Variants in PRKN observed in about 807,000 individuals in gnomAD.
PRKN encodes parkin RBR E3 ubiquitin protein ligase.
In PRKN, 56 loss-of-function variants were observed where a neutral mutation model predicts 59.5. The ratio of observed to expected loss-of-function variants is 0.94; its 90% confidence interval spans 0.76 to 1.18. The LOEUF (loss-of-function observed/expected upper bound fraction) is 1.18, where lower values mean the gene tolerates loss of function less well. Ranked by LOEUF, PRKN falls within the 50% of genes most tolerant of loss-of-function variation. The pLI is 0.00. For missense variants in PRKN, 657 were observed against 596.4 expected (o/e 1.10, Z -1.06); for synonymous variants, 250 against 222.1 (o/e 1.13, Z -1.12).
At position 161,353,730 on chromosome 6, in the gene PRKN, C is replaced by T. The variant is rs1784649335; in HGVS notation, c.1286-3519G>A. Among the ~76,000 whole-genome samples the T allele has an allele frequency of 6.6e-6, 1 of 152,210 alleles. No individual in the cohort carries two copies. The highest frequency in any genetic ancestry group is 6.5e-5 in the Admixed American group (1 of 15,290). On this transcript the variant is annotated intron_variant, in intron 11 of 11. Coordinates refer to ENST00000366898, the MANE Select transcript of PRKN (RefSeq NM_004562.3). The surrounding 1 kb of genome is among the most constrained non-coding windows in gnomAD (Gnocchi z 4.8). ...AAAGAGGGAGTCATGGGAATCTCAA[C>T]TTGAAGCCAGTCGATCAGAACTTCC...
intron 2 of PRKN, among the ~76,000 whole-genome samples, chr6:162,293,948 G>A (rs9347613): frequency 5.3e-5 from 8 of 152,108 alleles, no homozygotes; most frequent in Non-Finnish European, 1.0e-4. Context: ...AAAGTGCTGG[G>A]ATTACAGGCA....
intron 7 of PRKN, among the ~76,000 whole-genome samples, chr6:161,605,378 C>G (rs1782240320): frequency 6.6e-6 from 1 of 152,136 alleles, no homozygotes; most frequent in Admixed American, 6.5e-5. Context: ...CATTTACACA[C>G]ATATGTATTT....
chr6:162,270,661 C>G (rs1446430496), intron 2 of PRKN: 1 of 152,154 alleles, frequency 6.6e-6, no homozygotes, highest in South Asian at 2.1e-4. Flanking sequence ...AATGATCAGA[C>G]TAATTTAAAA....
intron 1 of PRKN, among the ~76,000 whole-genome samples, chr6:162,606,108 G>A (rs1290230117): frequency 6.6e-6 from 1 of 152,056 alleles, no homozygotes; most frequent in African/African-American, 2.4e-5. Flanking sequence ...GTTTGAAGAA[G>A]AAGCAAAATA....
chr6:161,531,318 T>C (rs1318690224), intron 9 of PRKN, among the ~76,000 whole-genome samples: 1 of 151,552 alleles, frequency 6.6e-6, no homozygotes, highest in Non-Finnish European at 1.5e-5. Context: ...GAGGCAGAGC[T>C]TGCAGTGAGC....
At chr6:161,732,160 C>T (rs74720878) in intron 7 of PRKN, among the ~76,000 whole-genome samples, 2,686 of 151,598 alleles carry the variant, frequency 0.018, 69 homozygotes, top group African/African-American at 0.062. Flanking sequence ...AATCTCAGCA[C>T]GCTGGAACCT....
intron 3 of PRKN, among the ~76,000 whole-genome samples, chr6:162,245,560 A>G (rs1220118588): frequency 6.6e-6 from 1 of 152,114 alleles, no homozygotes; most frequent in Non-Finnish European, 1.5e-5. Flanking sequence ...TGGAAATTAT[A>G]ATTTAATGGT....
chr6:162,243,009 TA>T (rs77383917), intron 3 of PRKN, among the ~76,000 whole-genome samples: 66 of 144,814 alleles, frequency 4.6e-4, no homozygotes, highest in Admixed American at 1.1e-3. Context: ...GTTGGTTCCT[TA>T]AAAAAAAAAA....
At chr6:161,500,670 C>G (rs1777926312) in intron 9 of PRKN, among the ~76,000 whole-genome samples, 1 of 152,130 alleles carries the variant, frequency 6.6e-6, no homozygotes, top group Non-Finnish European at 1.5e-5. Context: ...ATCTCACTGT[C>G]TGGAAGTACC....
chr6:161,593,874 G>A lies in PRKN; in HGVS notation c.872-24458C>T, dbSNP rs530544319. Reference sequence around the variant, plus strand: ...GTGATAGAATTGACTGCTGGAGGCCGGGCGCAGTGGCTCATGCCTGTAATC... The same window carrying A: ...GTGATAGAATTGACTGCTGGAGGCCAGGCGCAGTGGCTCATGCCTGTAATC... On this transcript the variant is annotated intron_variant, in intron 7 of 11. Transcript: ENST00000366898. This position sits in a 1 kb window ranked among gnomAD's most constrained non-coding sequence, Gnocchi z 4.8. Among the ~76,000 whole-genome samples, 176 of 152,124 alleles carry A rather than the reference G, an allele frequency of 1.2e-3. 1 individual carries two copies. The highest frequency in any genetic ancestry group is 3.1e-3 in the African/African-American group (129 of 41,516).
At chr6:162,427,350 C>G (rs1004476483) in intron 2 of PRKN, among the ~76,000 whole-genome samples, 5 of 152,096 alleles carry the variant, frequency 3.3e-5, no homozygotes, top group Non-Finnish European at 7.4e-5. Flanking sequence ...TACCTGTGCA[C>G]AAGACTTGTA....
intron 2 of PRKN, among the ~76,000 whole-genome samples, chr6:162,315,482 C>G (rs1193254910): frequency 1.3e-5 from 2 of 152,164 alleles, no homozygotes; most frequent in Non-Finnish European, 2.9e-5. Flanking sequence ...GGATACAAAG[C>G]ACTCAGTGAA....
chr6:161,651,327 G>A (rs942593124), intron 7 of PRKN, among the ~76,000 whole-genome samples: 1 of 152,076 alleles, frequency 6.6e-6, no homozygotes, highest in Non-Finnish European at 1.5e-5. Flanking sequence ...CAAACACCAC[G>A]GACCATGTCT....
intron 7 of PRKN, among the ~76,000 whole-genome samples, chr6:161,763,549 G>T (rs1789294280): frequency 6.6e-6 from 1 of 152,096 alleles, no homozygotes; most frequent in Non-Finnish European, 1.5e-5. Flanking sequence ...CGACCACGTT[G>T]TAAGAGGAGA....
chr6:161,572,843 G>A (rs1480111175), intron 7 of PRKN, among the ~76,000 whole-genome samples: 1 of 152,132 alleles, frequency 6.6e-6, no homozygotes, highest in Non-Finnish European at 1.5e-5. Context: ...GCAGGCTGAA[G>A]ATTCTTTTTG....
At chr6:162,693,737 T>A (rs1052427484) in intron 1 of PRKN, among the ~76,000 whole-genome samples, 9 of 152,198 alleles carry the variant, frequency 5.9e-5, no homozygotes, top group African/African-American at 2.2e-4. Context: ...ATAATAAAAG[T>A]TCAATTGAAG....
rs1384295101 is a variant in PRKN, at chr6:161,547,077, C to A, written c.1083+1777G>T. Among the ~76,000 whole-genome samples the A allele has an allele frequency of 1.3e-5, 2 of 152,176 alleles. No homozygotes were observed. Among genetic ancestry groups the A allele is most frequent in the Non-Finnish European group, 2.9e-5 (2 of 68,044 alleles). Reference sequence around the variant, plus strand: ...AAAGCCACTCACGGGTGATTCCTGACTCTCAGAAACTGTGAGATGATACAT... The same window carrying A: ...AAAGCCACTCACGGGTGATTCCTGAATCTCAGAAACTGTGAGATGATACAT... On this transcript the variant is annotated intron_variant, in intron 9 of 11. Transcript: ENST00000366898. The surrounding 1 kb of genome is among the most constrained non-coding windows in gnomAD (Gnocchi z 4.0).
rs191108360 is a variant in PRKN at position 162,586,890 on chromosome 6, G to C, written c.7+140772C>G. ...GAGTTCAGTTCCATCAACACTGACC[G>C]AGTGCCTTACATGCCCGTGATAGGC... On this transcript the variant is annotated intron_variant, in intron 1 of 11. Transcript: ENST00000366898. 2.0e-5 allele frequency among the ~76,000 whole-genome samples: 3 copies of C among 152,164 alleles called. No individual in the cohort carries two copies. In the South Asian group the frequency reaches 6.3e-4, roughly 32 times the overall value.
chr6:161,950,460 C>T (rs1325379057), intron 6 of PRKN, among the ~76,000 whole-genome samples: 1 of 152,246 alleles, frequency 6.6e-6, no homozygotes, highest in Non-Finnish European at 1.5e-5. Context: ...AGGAGACTCA[C>T]TTGAACCTGG....
Sources: allele counts gnomAD v4.1 joint callset (sites outside exome capture counted in the v4.1 genomes callset), GRCh38; gene constraint gnomAD v4.1.1; non-coding constraint Gnocchi (gnomAD v3.1); transcripts MANE v1.5; gene names NCBI Gene and HGNC (gene_info 2026-07-23, HGNC 2026-07-21).